PTPRD: variants seen among roughly 807,000 people sequenced by gnomAD.
PTPRD encodes the protein receptor-type tyrosine-protein phosphatase delta.
Under a neutral mutation model 214.5 loss-of-function variants are expected in PTPRD, and 34 were observed. The ratio of observed to expected loss-of-function variants is 0.16; its 90% CI spans 0.12 to 0.21. PTPRD has a LOEUF of 0.21. Among genes scored for constraint, PTPRD ranks in the 10% least tolerant of loss-of-function variants. The probability of loss-of-function intolerance (pLI) is 1.00; values close to 1 mark genes in which losing one functional copy is unlikely to be tolerated. For missense variants in PTPRD, 2,545 were observed against 2,398.7 expected (o/e 1.06, Z -1.27); for synonymous variants, 1,128 against 845.7 (o/e 1.33, Z -5.79).
intron 5 of PTPRD, among the ~76,000 whole-genome samples, chr9:9,919,184 G>C (rs917851720): frequency 6.6e-6 from 1 of 151,954 alleles, no homozygotes; most frequent in African/African-American, 2.4e-5. Flanking sequence ...CTAATTTTTT[G>C]TTACTCTACT....
intron 3 of PTPRD, among the ~76,000 whole-genome samples, chr9:10,337,470 T>C (rs1417035610): frequency 6.6e-6 from 1 of 151,752 alleles, no homozygotes; most frequent in Non-Finnish European, 1.5e-5. Flanking sequence ...AGAGATAGTA[T>C]AGTTTAATAG....
At chr9:9,156,529 C>T (rs1487009142) in intron 10 of PTPRD, among the ~76,000 whole-genome samples, 1 of 151,880 alleles carries the variant, frequency 6.6e-6, no homozygotes, top group Admixed American at 6.6e-5. Flanking sequence ...AAACTATTAA[C>T]AGCCAACACA....
At chr9:10,061,034 A>G (rs2097770407) in intron 3 of PTPRD, among the ~76,000 whole-genome samples, 1 of 146,136 alleles carries the variant, frequency 6.8e-6, no homozygotes, top group African/African-American at 2.6e-5. Flanking sequence ...TTTCTCTCTG[A>G]CTATCTCTCA....
At position 9,712,865 on chromosome 9, in the gene PTPRD, T is replaced by A. The variant is rs1595827152; in HGVS notation, c.-287+21668A>T. On this transcript the variant is annotated intron_variant, in intron 7 of 45. Coordinates refer to ENST00000381196, the MANE Select transcript of PTPRD (RefSeq NM_002839.4). ...ACTATTTTATGGTATTTGTTTTTAA[T>A]AGGTTATGTTATTGCTATAGTGACA... Among the ~76,000 whole-genome samples the A allele has an allele frequency of 5.3e-5, 8 of 152,336 alleles. 1 individual carries two copies. In the South Asian group the frequency reaches 1.7e-3, roughly 32 times the overall value.
intron 9 of PTPRD, among the ~76,000 whole-genome samples, chr9:9,275,068 A>AT (rs1944513905): frequency 1.5e-5 from 1 of 65,788 alleles, no homozygotes; most frequent in East Asian, 3.5e-4. Context: ...TATATATATT[A>AT]TATATATATA....
rs549415725 is a variant in PTPRD, at chr9:9,903,817, C to T, written c.-368+34690G>A. Among the ~76,000 whole-genome samples the T allele has an allele frequency of 7.2e-5, 11 of 152,184 alleles. No individual in the cohort carries two copies. The East Asian group carries it at 1.4e-3, about 19-fold the overall frequency. On this transcript the variant is annotated intron_variant, in intron 5 of 45. Transcript: ENST00000381196. ...TTATCTAATTAACATGAAGCACCAT[C>T]ATGACTATGCATCTTATTCAATGTG...
chr9:9,354,173 G>A (rs1036011421), intron 9 of PTPRD, among the ~76,000 whole-genome samples: 1 of 151,568 alleles, frequency 6.6e-6, no homozygotes, highest in African/African-American at 2.4e-5. Flanking sequence ...TACCCATGAT[G>A]GTTCCTCTTT....
intron 8 of PTPRD, among the ~76,000 whole-genome samples, chr9:9,516,099 C>G (rs1435436921): frequency 2.0e-5 from 3 of 152,088 alleles, no homozygotes; most frequent in Non-Finnish European, 4.4e-5. Context: ...TGAGTATACT[C>G]TAACTCTAAT....
At chr9:9,146,930 A>G (rs1000332667) in intron 10 of PTPRD, among the ~76,000 whole-genome samples, 6 of 152,184 alleles carry the variant, frequency 3.9e-5, no homozygotes, top group Non-Finnish European at 7.3e-5. Context: ...TGCAGTGATA[A>G]TAAGGTCACC....
At chr9:9,013,548 C>A (rs1396211778) in intron 11 of PTPRD, among the ~76,000 whole-genome samples, 1 of 152,074 alleles carries the variant, frequency 6.6e-6, no homozygotes, top group African/African-American at 2.4e-5. Context: ...ACAAAAGCAA[C>A]AAGTCTCTTT....
At chr9:9,784,420 A>AT (rs1185782087) in intron 5 of PTPRD, among the ~76,000 whole-genome samples, 1 of 152,032 alleles carries the variant, frequency 6.6e-6, no homozygotes, top group Non-Finnish European at 1.5e-5. Flanking sequence ...AGCATCCACA[A>AT]TTATACTGAA....
At chr9:8,599,040 G>A (rs567274152) in intron 14 of PTPRD, among the ~76,000 whole-genome samples, 12 of 152,252 alleles carry the variant, frequency 7.9e-5, no homozygotes, top group African/African-American at 2.4e-4. Context: ...GGAAGGACCC[G>A]GTGGGAGATA....
In PTPRD at chr9:10,310,714, C is replaced by G. The variant is rs527988956; in HGVS notation, c.-545+30249G>C. Among the ~76,000 whole-genome samples, 9 of 152,188 alleles carry G rather than the reference C, an allele frequency of 5.9e-5. No homozygotes were observed. In the East Asian group the frequency reaches 1.7e-3, roughly 30 times the overall value. On this transcript the variant is annotated intron_variant, in intron 3 of 45. Coordinates refer to ENST00000381196, the MANE Select transcript of PTPRD (RefSeq NM_002839.4). ...TCTATTGTCTCCTTTTGTTGATAAGCCTTTGGTATATGTATGCATTCCTGA... is the reference window on the plus strand; with the variant it reads ...TCTATTGTCTCCTTTTGTTGATAAGGCTTTGGTATATGTATGCATTCCTGA...
chr9:9,704,219 G>T (rs781122438), intron 7 of PTPRD, among the ~76,000 whole-genome samples: 1 of 151,746 alleles, frequency 6.6e-6, no homozygotes, highest in Non-Finnish European at 1.5e-5. Context: ...ACGAACTATT[G>T]TCTGTGATAT....
chr9:8,696,727 G>C (rs1278403925), intron 12 of PTPRD, among the ~76,000 whole-genome samples: 1 of 152,214 alleles, frequency 6.6e-6, no homozygotes, highest in Non-Finnish European at 1.5e-5. Context: ...CAGAAGCTAG[G>C]TCAACCAACG....
At chr9:9,889,432 T>C (rs994731049) in intron 5 of PTPRD, among the ~76,000 whole-genome samples, 1 of 152,122 alleles carries the variant, frequency 6.6e-6, no homozygotes, top group African/African-American at 2.4e-5. Flanking sequence ...TAAATAAATA[T>C]AGAAGTCCTC....
chr9:9,787,092 G>C (rs912974019), intron 5 of PTPRD, among the ~76,000 whole-genome samples: 2 of 151,346 alleles, frequency 1.3e-5, no homozygotes, highest in African/African-American at 4.9e-5. Flanking sequence ...ATCTGAGATC[G>C]CACCACTACA....
intron 10 of PTPRD, among the ~76,000 whole-genome samples, chr9:9,169,883 C>A (rs1453982428): frequency 1.3e-5 from 2 of 152,134 alleles, no homozygotes; most frequent in African/African-American, 4.8e-5. Context: ...TGTTTCATTA[C>A]AAATACTCAG....
intron 11 of PTPRD, among the ~76,000 whole-genome samples, chr9:8,833,107 C>A (rs2097332965): frequency 6.6e-6 from 1 of 152,068 alleles, no homozygotes; most frequent in Non-Finnish European, 1.5e-5. Context: ...CATACACAGG[C>A]CACAGCAACA....
Sources: allele counts gnomAD v4.1 joint callset (sites outside exome capture counted in the v4.1 genomes callset), GRCh38; gene constraint gnomAD v4.1.1; transcripts MANE v1.5; gene names NCBI Gene and HGNC (gene_info 2026-07-23, HGNC 2026-07-21).